RAB38: variants seen among roughly 807,000 people sequenced by gnomAD.
The protein encoded by RAB38 is ras-related protein Rab-38.
RAB38 carries 15 observed loss-of-function variants against 18.4 expected under a neutral mutation model. The observed-to-expected ratio is 0.82, with a 90% CI of 0.55 to 1.26. The LOEUF (loss-of-function observed/expected upper bound fraction) is 1.26, where lower values mean the gene tolerates loss of function less well. RAB38 is among the 50% of genes most tolerant of loss of function. The pLI, the probability that RAB38 is intolerant of heterozygous loss-of-function variation, is 0.00. For missense variants in RAB38, 294 were observed against 267.4 expected (o/e 1.10, Z -0.69); for synonymous variants, 101 against 104.4 (o/e 0.97, Z 0.20).
the RAB38 span, among the ~76,000 whole-genome samples, chr11:88,044,540 A>G: frequency 6.6e-6 from 1 of 152,210 alleles, no homozygotes; most frequent in South Asian, 2.1e-4. Context: ...ACCCCAATAC[A>G]AACTCGACAG....
At chr11:88,104,754 C>G in the RAB38 span, among the ~76,000 whole-genome samples, 4 of 152,218 alleles carry the variant, frequency 2.6e-5, no homozygotes, top group South Asian at 8.3e-4. Flanking sequence ...TTGTGTCTCT[C>G]CATAAACTCA....
intron 2 of RAB38, among the ~76,000 whole-genome samples, chr11:88,147,571 A>T (rs747257631): frequency 1.8e-5 from 2 of 110,552 alleles, no homozygotes; most frequent in Admixed American, 8.6e-5. Flanking sequence ...TTTTGGAATT[A>T]AAAAAAAAAA....
At chr11:87,909,820 C>T in the RAB38 span, among the ~76,000 whole-genome samples, 7 of 151,992 alleles carry the variant, frequency 4.6e-5, no homozygotes, top group Admixed American at 2.6e-4. Context: ...TGTTGATAGA[C>T]ATTTGAGTTG....
the RAB38 span, among the ~76,000 whole-genome samples, chr11:87,927,002 A>G: frequency 2.0e-5 from 3 of 152,198 alleles, no homozygotes; most frequent in South Asian, 2.1e-4. Context: ...TGACATGTGG[A>G]CTTGCATCTG....
At chr11:88,043,345 G>T in the RAB38 span, among the ~76,000 whole-genome samples, 2 of 152,048 alleles carry the variant, frequency 1.3e-5, no homozygotes, top group Non-Finnish European at 2.9e-5. Flanking sequence ...AGAAATAAGG[G>T]GGTGAAGAAA....
At chr11:87,907,511 G>T in the RAB38 span, among the ~76,000 whole-genome samples, 32 of 151,260 alleles carry the variant, frequency 2.1e-4, no homozygotes, top group South Asian at 6.5e-3. Context: ...TCAGTTTGTT[G>T]TTTTTAGTTT....
At chr11:87,974,936 T>C in the RAB38 span, among the ~76,000 whole-genome samples, 1 of 151,904 alleles carries the variant, frequency 6.6e-6, no homozygotes, top group Non-Finnish European at 1.5e-5. Flanking sequence ...ACACAACAGA[T>C]GGCCACAGTT....
the RAB38 span, among the ~76,000 whole-genome samples, chr11:88,027,558 C>G: frequency 3.7e-4 from 56 of 152,174 alleles, no homozygotes; most frequent in African/African-American, 1.1e-3. Flanking sequence ...AAACGGCGCA[C>G]CAGGAGATTA....
chr11:88,102,708 T>C, the RAB38 span, among the ~76,000 whole-genome samples: 1 of 152,014 alleles, frequency 6.6e-6, no homozygotes, highest in Non-Finnish European at 1.5e-5. Context: ...TGCTAGGATT[T>C]GAATGTAGGC....
the RAB38 span, among the ~76,000 whole-genome samples, chr11:87,920,652 A>C: frequency 6.6e-6 from 1 of 151,998 alleles, no homozygotes; most frequent in African/African-American, 2.4e-5. Flanking sequence ...TATTAGGTCC[A>C]TTTGGTCTAA....
chr11:88,082,306 T>C, the RAB38 span, among the ~76,000 whole-genome samples: 2 of 151,824 alleles, frequency 1.3e-5, no homozygotes, highest in Non-Finnish European at 2.9e-5. Context: ...GTTAATCATC[T>C]TAATATATTA....
At chr11:88,058,883 A>C in the RAB38 span, among the ~76,000 whole-genome samples, 1 of 152,180 alleles carries the variant, frequency 6.6e-6, no homozygotes, top group Non-Finnish European at 1.5e-5. Flanking sequence ...GGGCTTCCAA[A>C]AATATGTGGC....
At chr11:88,158,991 C>T (rs533130407) in intron 1 of RAB38, among the ~76,000 whole-genome samples, 8 of 151,846 alleles carry the variant, frequency 5.3e-5, no homozygotes, top group East Asian at 3.9e-4. Flanking sequence ...CTCTTTATGG[C>T]CAATATGATT....
chr11:87,967,331 T>A, the RAB38 span, among the ~76,000 whole-genome samples: 2 of 152,180 alleles, frequency 1.3e-5, 1 homozygote, highest in South Asian at 4.1e-4. Context: ...TGGAAAATAA[T>A]TGCCTTGAAA....
the RAB38 span, among the ~76,000 whole-genome samples, chr11:88,090,874 T>C: frequency 6.6e-6 from 1 of 151,896 alleles, no homozygotes. Context: ...CCTGGTTAGG[T>C]CCATATAACA....
At chr11:88,011,199 A>G in the RAB38 span, among the ~76,000 whole-genome samples, 2 of 152,142 alleles carry the variant, frequency 1.3e-5, no homozygotes, top group African/African-American at 4.8e-5. Flanking sequence ...AAGACACTGT[A>G]TTAAAAGCTG....
the RAB38 span, among the ~76,000 whole-genome samples, chr11:88,054,088 C>T: frequency 6.6e-6 from 1 of 152,192 alleles, no homozygotes; most frequent in African/African-American, 2.4e-5. Flanking sequence ...CATCACCTGA[C>T]TGTTGTAAGG....
the RAB38 span, among the ~76,000 whole-genome samples, chr11:88,082,858 G>T: frequency 2.0e-5 from 3 of 151,804 alleles, no homozygotes; most frequent in Non-Finnish European, 4.4e-5. Flanking sequence ...ACATAAATCA[G>T]ATTATTTAAC....
chr11:87,957,718 AG>A, the RAB38 span, among the ~76,000 whole-genome samples: 1 of 152,014 alleles, frequency 6.6e-6, no homozygotes, highest in African/African-American at 2.4e-5. Flanking sequence ...GTTCACTTTG[AG>A]GGAGAGGAGT....
Sources: allele counts gnomAD v4.1 joint callset (sites outside exome capture counted in the v4.1 genomes callset), GRCh38; gene constraint gnomAD v4.1.1; transcripts MANE v1.5; gene names NCBI Gene and HGNC (gene_info 2026-07-23, HGNC 2026-07-21).